Variants in OPRD1 observed in about 807,000 individuals in gnomAD.
OPRD1 encodes delta-type opioid receptor.
OPRD1 carries 19 observed loss-of-function variants against 17.5 expected under a neutral mutation model. The ratio of observed to expected loss-of-function variants is 1.09; its 90% CI spans 0.76 to 1.60. OPRD1 has a LOEUF of 1.60. Ranked by LOEUF, OPRD1 falls within the 40% of genes most tolerant of loss-of-function variation. The pLI is 0.00. For missense variants in OPRD1, 483 were observed against 547.2 expected, an observed-to-expected ratio of 0.88 and a Z score of 1.17; for synonymous variants, 256 against 240.9, an observed-to-expected ratio of 1.06 and a Z score of -0.58.
intron 1 of OPRD1, among the ~76,000 whole-genome samples, chr1:28,822,261 C>T (rs932036528): frequency 5.9e-5 from 9 of 151,940 alleles, no homozygotes; most frequent in African/African-American, 2.2e-4. Context: ...TTCATTATTT[C>T]TATAAGGAAT....
At chr1:28,818,205 C>T (rs2088685875) in intron 1 of OPRD1, among the ~76,000 whole-genome samples, 1 of 152,152 alleles carries the variant, frequency 6.6e-6, no homozygotes, top group Non-Finnish European at 1.5e-5. Context: ...CCACCTTTGG[C>T]CCTTTCCCAT....
rs773578102 is a variant in OPRD1, at chr1:28,823,190, C to CTTT, written c.227+10602_227+10604dup. Among the ~76,000 whole-genome samples the CTTT allele has an allele frequency of 5.5e-4, 56 of 101,894 alleles. 2 individuals are homozygous for CTTT. The highest frequency in any genetic ancestry group is 7.9e-4 in the African/African-American group (19 of 24,146). The allele number at this position is 101,894 out of a possible 152,430, so 66.8% of individuals were successfully genotyped here. On this transcript the variant is annotated intron_variant, in intron 1 of 2. Transcript: ENST00000234961. Reference sequence around the variant, plus strand: ...CAGAAAGAATCTTTTCTTCTGTAGTCTTTTTTTTTTTTTTTTTTTTTTTTG... The same window carrying CTTT: ...CAGAAAGAATCTTTTCTTCTGTAGTCTTTTTTTTTTTTTTTTTTTTTTTTTTTG...
intron 1 of OPRD1, among the ~76,000 whole-genome samples, chr1:28,851,893 C>T (rs1241956517): frequency 4.8e-5 from 7 of 146,476 alleles, no homozygotes; most frequent in East Asian, 2.0e-4. Context: ...AGAAGCCGGG[C>T]GTGGTGGCTC....
At position 28,864,921 on chromosome 1, in the gene OPRD1, C is replaced by T. The variant is rs1013940822; in HGVS notation, c.*1638C>T. 1 of 152,142 alleles carries T rather than the reference C, an allele frequency of 6.6e-6. No individual in the cohort carries two copies. The highest frequency in any genetic ancestry group is 1.5e-5 in the Non-Finnish European group (1 of 68,050). The allele number at this position is 152,142 out of a possible 1,614,324, so 9.4% of individuals were successfully genotyped here. A position where few individuals can be genotyped will look rare whatever the true frequency, so the allele number is the denominator to read the frequency against. On this transcript the variant is annotated 3_prime_UTR_variant, in exon 3 of 3. Coordinates refer to ENST00000234961, the MANE Select transcript of OPRD1 (RefSeq NM_000911.4). Reference sequence around the variant, plus strand: ...TGGAACTGCCCATATGGGGACCTGACCTTGAAGGAACTGGGGGGAGAAGCT... The same window carrying T: ...TGGAACTGCCCATATGGGGACCTGATCTTGAAGGAACTGGGGGGAGAAGCT...
At chr1:28,851,263 G>C (rs2089000502) in intron 1 of OPRD1, among the ~76,000 whole-genome samples, 1 of 152,162 alleles carries the variant, frequency 6.6e-6, no homozygotes, top group Admixed American at 6.6e-5. Context: ...TGCTTCAGTG[G>C]CAACACTGGA....
At chr1:28,828,345 C>T (rs1269014761) in intron 1 of OPRD1, among the ~76,000 whole-genome samples, 1 of 152,118 alleles carries the variant, frequency 6.6e-6, no homozygotes, top group Non-Finnish European at 1.5e-5. Context: ...TTTGTCTCAA[C>T]AGTGGGCTTA....
intron 1 of OPRD1, among the ~76,000 whole-genome samples, 191 bp from the exon 2 acceptor site, chr1:28,858,763 C>T (rs553127302): frequency 6.6e-6 from 1 of 152,126 alleles, no homozygotes; most frequent in South Asian, 2.1e-4. Context: ...CCAGGATGGT[C>T]TTGAACTCTT....
intron 1 of OPRD1, among the ~76,000 whole-genome samples, chr1:28,844,138 CA>C (rs1557575006): frequency 1.4e-5 from 2 of 148,074 alleles, no homozygotes; most frequent in East Asian, 4.0e-4. Flanking sequence ...CCAGTTTCTT[CA>C]AATCCTTGCC....
intron 2 of OPRD1, 41 bp downstream of exon 2, chr1:28,859,344 A>C (rs1465814583): frequency 1.3e-6 from 2 of 1,549,640 alleles, no homozygotes; most frequent in Non-Finnish European, 1.8e-6. Context: ...CACTGACCAC[A>C]GGAGGCAGTA....
rs2088636132 is a variant in OPRD1 at position 28,812,295 on chromosome 1, G to A, written c.-89G>A. 8 of 925,448 alleles carry A rather than the reference G, an allele frequency of 8.6e-6. No individual in the cohort carries two copies. The highest frequency in any genetic ancestry group is 1.1e-5 in the Non-Finnish European group (8 of 720,000). 57.3% of individuals were successfully genotyped at this position (925,448 alleles called of 1,614,324 possible). A position where few individuals can be genotyped will look rare whatever the true frequency, so the allele number is the denominator to read the frequency against. ...CGCGGCAGCCGGCGGCGTCGGGGCC[G>A]CGGCCTCTGCCTTGCCGCTCCCCTC... is the stretch of plus-strand genomic sequence containing the variant. On this transcript the variant is annotated 5_prime_UTR_variant, in exon 1 of 3. Transcript: ENST00000234961.
intron 1 of OPRD1, among the ~76,000 whole-genome samples, chr1:28,816,772 C>T (rs542949325): frequency 3.9e-5 from 6 of 152,220 alleles, no homozygotes; most frequent in African/African-American, 1.4e-4. Context: ...CGGACAACCC[C>T]TTCCTCCGGG....
chr1:28,830,560 T>G (rs1037659489), intron 1 of OPRD1, among the ~76,000 whole-genome samples: 4 of 151,834 alleles, frequency 2.6e-5, no homozygotes, highest in Admixed American at 2.6e-4. Context: ...AAAACACTAA[T>G]CACAGATAAC....
At chr1:28,814,729 G>A (rs1447618003) in intron 1 of OPRD1, among the ~76,000 whole-genome samples, 1 of 152,216 alleles carries the variant, frequency 6.6e-6, no homozygotes, top group Admixed American at 6.5e-5. Flanking sequence ...CCTGCTAGGG[G>A]CATTCCCACA....
chr1:28,847,085 C>T (rs2088960815), intron 1 of OPRD1, among the ~76,000 whole-genome samples: 1 of 149,654 alleles, frequency 6.7e-6, no homozygotes, highest in Non-Finnish European at 1.5e-5. Flanking sequence ...GAGTTTGGCT[C>T]TTGTGGCCCA....
chr1:28,826,105 G>A (rs1237535661), intron 1 of OPRD1, among the ~76,000 whole-genome samples: 1 of 152,170 alleles, frequency 6.6e-6, no homozygotes, highest in African/African-American at 2.4e-5. Flanking sequence ...TGGGTGAGAG[G>A]GTGGCGGGGC....
chr1:28,845,920 C>T (rs1360147449), intron 1 of OPRD1, among the ~76,000 whole-genome samples: 2 of 152,218 alleles, frequency 1.3e-5, no homozygotes, highest in Admixed American at 1.3e-4. Context: ...ACACAGTAGT[C>T]AGCGTGATCT....
rs2088898219 is a variant in OPRD1, at chr1:28,841,701, T to A, written c.228-17253T>A. Among the ~76,000 whole-genome samples, 6 of 151,658 alleles carry A rather than the reference T, an allele frequency of 4.0e-5. 1 individual carries two copies. The South Asian group carries it at 1.2e-3, about 31-fold the overall frequency. ...GGCATTTATTTATTTATTTTTATTTTATTTATTTATTTATTATTATTATTA... is the reference window on the plus strand; with the variant it reads ...GGCATTTATTTATTTATTTTTATTTAATTTATTTATTTATTATTATTATTA... On this transcript the variant is annotated intron_variant, in intron 1 of 2. Coordinates refer to ENST00000234961, the MANE Select transcript of OPRD1 (RefSeq NM_000911.4).
rs768842503 is a variant in OPRD1 at position 28,859,087 on chromosome 1, T to C, written c.361T>C (p.Cys121Arg). Residue 121 changes from cysteine to arginine, a missense_variant, in exon 2 of 3, where the codon TGC (cysteine) becomes CGC (arginine). Physicochemically the swap from Cys to Arg is radical, Grantham distance 180 (BLOSUM62 -3). Coordinates refer to ENST00000234961, the MANE Select transcript of OPRD1 (RefSeq NM_000911.4). ...GACGTGGCCCTTCGGCGAGCTGCTC[T>C]GCAAGGCTGTGCTCTCCATCGACTA... is the stretch of plus-strand genomic sequence containing the variant. ...METWPFGELLCKAVLSIDYYN... is the reference protein window; with the variant it reads ...METWPFGELLRKAVLSIDYYN... 4 of 1,614,120 alleles carry C rather than the reference T, an allele frequency of 2.5e-6. No homozygotes were observed. In the African/African-American group the frequency reaches 5.3e-5, roughly 22 times the overall value.
chr1:28,859,521 G>A (rs540249977), intron 2 of OPRD1, among the ~76,000 whole-genome samples: 12 of 152,290 alleles, frequency 7.9e-5, no homozygotes, highest in South Asian at 2.1e-4. Flanking sequence ...GGGGGCATGC[G>A]GATGGTTGAC....
Sources: gnomAD v4.1 joint callset for allele counts (sites outside exome capture counted in the v4.1 genomes callset) on GRCh38, gnomAD v4.1.1 for gene constraint, MANE v1.5 for transcripts, NCBI Gene and HGNC (gene_info 2026-07-23, HGNC 2026-07-21) for gene names.